The following MAD1L1 variants were observed in gnomAD, a reference collection of about 807,000 sequenced individuals.
MAD1L1 encodes mitotic spindle assembly checkpoint protein MAD1.
MAD1L1 carries 95 observed loss-of-function variants against 96.9 expected under a neutral mutation model. The observed-to-expected ratio is 0.98, with a 90% CI of 0.83 to 1.16. The LOEUF (loss-of-function observed/expected upper bound fraction) is 1.16, where lower values mean the gene tolerates loss of function less well. Among genes scored for constraint, MAD1L1 ranks in the 50% most tolerant of loss-of-function variants. The pLI, the probability that MAD1L1 is intolerant of heterozygous loss-of-function variation, is 0.00. For synonymous variants in MAD1L1, 473 were observed against 396.6 expected (o/e 1.19, Z -2.29); for missense variants, 1,007 against 954.4 (o/e 1.06, Z -0.73).
At chr7:1,862,823 A>G (rs1406857722) in intron 18 of MAD1L1, among the ~76,000 whole-genome samples, 2 of 152,262 alleles carry the variant, frequency 1.3e-5, no homozygotes, top group African/African-American at 4.8e-5. Flanking sequence ...AACTCAAAAG[A>G]GACAAAACAA....
In MAD1L1 at chr7:1,816,233, G is replaced by C; in HGVS notation, c.1999-5C>G. 6.2e-7 allele frequency: 1 copy of C among 1,611,218 alleles called. No individual in the cohort carries two copies. The highest frequency in any genetic ancestry group is 8.5e-7 in the Non-Finnish European group (1 of 1,178,774). On this transcript the variant is annotated splice_region_variant and splice_polypyrimidine_tract_variant and intron_variant, in intron 18 of 18. Coordinates refer to ENST00000265854, the MANE Select transcript of MAD1L1 (RefSeq NM_001013836.2). ...GGAACCCGAGGGGCTGGTGGCCTGC[G>C]GGGCAGTCAAGAAAGAGACAAGACA... is the stretch of plus-strand genomic sequence containing the variant.
intron 18 of MAD1L1, among the ~76,000 whole-genome samples, chr7:1,870,992 T>C (rs79610527): frequency 0.5 from 39,340 of 78,334 alleles, 9,197 homozygotes; most frequent in Admixed American, 0.6. Flanking sequence ...ACGCCTGCCA[T>C]GCCGAACCAA....
intron 17 of MAD1L1, among the ~76,000 whole-genome samples, chr7:1,921,453 T>A (rs555628161): frequency 6.6e-6 from 1 of 152,144 alleles, no homozygotes; most frequent in Admixed American, 6.5e-5. Flanking sequence ...ATAGTACCTG[T>A]AGCTGGGACT....
chr7:2,165,074 C>G (rs1257150433), intron 10 of MAD1L1, among the ~76,000 whole-genome samples: 1 of 152,140 alleles, frequency 6.6e-6, no homozygotes, highest in Non-Finnish European at 1.5e-5. Context: ...CGCAGTGGCT[C>G]ACGCCTGTCA....
chr7:2,187,902 G>A (rs544515339), intron 10 of MAD1L1, among the ~76,000 whole-genome samples: 2 of 152,226 alleles, frequency 1.3e-5, no homozygotes, highest in Admixed American at 6.5e-5. Flanking sequence ...ATACAACCAC[G>A]AGTATTTGTT....
At chr7:1,901,172 C>T (rs1203473709) in intron 17 of MAD1L1, among the ~76,000 whole-genome samples, 5 of 152,202 alleles carry the variant, frequency 3.3e-5, no homozygotes, top group Non-Finnish European at 5.9e-5. Flanking sequence ...CAGTTTGGGG[C>T]AGATCAAGCC....
At chr7:2,192,380 C>T (rs575873763) in intron 10 of MAD1L1, among the ~76,000 whole-genome samples, 74 of 152,304 alleles carry the variant, frequency 4.9e-4, no homozygotes, top group Middle Eastern at 3.4e-3. Context: ...GATCCACCCA[C>T]CTCGGCCTCC....
chr7:2,201,360 C>T (rs532157652), intron 10 of MAD1L1, among the ~76,000 whole-genome samples: 7 of 152,196 alleles, frequency 4.6e-5, no homozygotes, highest in South Asian at 2.1e-4. Flanking sequence ...CTCCATTCCA[C>T]GCCAGGGCAC....
chr7:2,136,186 A>G (rs2128571404), intron 11 of MAD1L1, among the ~76,000 whole-genome samples: 1 of 152,300 alleles, frequency 6.6e-6, no homozygotes, highest in South Asian at 2.1e-4. Context: ...CACAGTATTA[A>G]AAAAGGGTCA....
chr7:2,187,023 C>G (rs1051043928), intron 10 of MAD1L1, among the ~76,000 whole-genome samples: 1 of 151,982 alleles, frequency 6.6e-6, no homozygotes, highest in Admixed American at 6.6e-5. Flanking sequence ...GAACTCCCAA[C>G]CTCAGGTGAT....
chr7:1,996,791 G>A (rs1038666226), intron 14 of MAD1L1, among the ~76,000 whole-genome samples: 8 of 151,950 alleles, frequency 5.3e-5, no homozygotes, highest in Non-Finnish European at 4.4e-5. Context: ...TGAGAGCGGC[G>A]TAATTCCCTC....
chr7:1,936,950 C>T lies in MAD1L1; in HGVS notation c.1597-53G>A, dbSNP rs542906787. ...CCATGGCCCAGGCACACACGCAGCA[C>T]GGGTCACACACAGCATGGGTCACCA... On this transcript the variant is annotated intron_variant, in intron 16 of 18. Coordinates refer to ENST00000265854, the MANE Select transcript of MAD1L1 (RefSeq NM_001013836.2). 3.4e-4 allele frequency: 485 copies of T among 1,424,276 alleles called. 2 individuals are homozygous for T. Among genetic ancestry groups the T allele is most frequent in the South Asian group, 1.2e-3 (94 of 76,440 alleles). 88.2% of individuals were successfully genotyped at this position (1,424,276 alleles called of 1,614,324 possible).
At chr7:1,942,805 C>A (rs1415762634) in intron 16 of MAD1L1, among the ~76,000 whole-genome samples, 1 of 152,190 alleles carries the variant, frequency 6.6e-6, no homozygotes, top group Non-Finnish European at 1.5e-5. Context: ...CACGGAACTG[C>A]AGGGGCTCAG....
chr7:2,075,173 G>T (rs1312458049), intron 11 of MAD1L1, among the ~76,000 whole-genome samples: 2 of 152,208 alleles, frequency 1.3e-5, no homozygotes, highest in African/African-American at 4.8e-5. Flanking sequence ...TGGCAATTAG[G>T]AGCCAAGCCC....
intron 18 of MAD1L1, among the ~76,000 whole-genome samples, chr7:1,835,333 A>G (rs992956670): frequency 3.5e-4 from 54 of 152,212 alleles, no homozygotes; most frequent in Non-Finnish European, 7.2e-4. Flanking sequence ...ACACAAGAAC[A>G]AGGAACTTCA....
chr7:1,885,145 G>A (rs1222987171), intron 18 of MAD1L1, among the ~76,000 whole-genome samples: 1 of 152,188 alleles, frequency 6.6e-6, no homozygotes, highest in Non-Finnish European at 1.5e-5. Flanking sequence ...GACAGGGGAA[G>A]AGAAAGGACC....
chr7:2,100,038 C>G (rs1204211209), intron 11 of MAD1L1, among the ~76,000 whole-genome samples: 2 of 152,260 alleles, frequency 1.3e-5, no homozygotes, highest in Non-Finnish European at 2.9e-5. Context: ...CCCAGCCACA[C>G]AAAGCCCAAA....
rs1243521860 is a variant in MAD1L1, at chr7:1,903,619, A to G, written c.1808-5229T>C. 1.3e-3 allele frequency among the ~76,000 whole-genome samples: 139 copies of G among 110,396 alleles called. 3 individuals are homozygous for G. Among genetic ancestry groups the G allele is most frequent in the African/African-American group, 3.7e-3 (87 of 23,834 alleles). 72.4% of individuals were successfully genotyped at this position (110,396 alleles called of 152,430 possible). ...AGTGGCCTATTGAAGAAGCTCTTGC[A>G]GAACTCATGATTGATGAAGCACTGT... is the stretch of plus-strand genomic sequence containing the variant. On this transcript the variant is annotated intron_variant, in intron 17 of 18. Transcript: ENST00000265854.
chr7:1,889,073 T>A (rs949614860), intron 18 of MAD1L1, among the ~76,000 whole-genome samples: 1 of 152,206 alleles, frequency 6.6e-6, no homozygotes. Flanking sequence ...GGCACTTGCA[T>A]ACATACTGGC....
Sources: gnomAD v4.1 joint callset for allele counts (sites outside exome capture counted in the v4.1 genomes callset) on GRCh38, gnomAD v4.1.1 for gene constraint, MANE v1.5 for transcripts, NCBI Gene and HGNC (gene_info 2026-07-23, HGNC 2026-07-21) for gene names.